WWOX: variants seen among roughly 807,000 people sequenced by gnomAD.
WWOX encodes the protein WW domain-containing oxidoreductase.
In WWOX, 69 loss-of-function variants were observed where a neutral mutation model predicts 46.2. The observed-to-expected ratio is 1.49, with a 90% CI of 1.23 to 1.82. The LOEUF is 1.82. WWOX is among the 40% of genes most tolerant of loss of function. The pLI is 0.00. For synonymous variants in WWOX, 359 were observed against 202.6 expected (o/e 1.77, Z -6.56); for missense variants, 919 against 542.6 (o/e 1.69, Z -6.89).
intron 8 of WWOX, among the ~76,000 whole-genome samples, chr16:78,756,167 A>T (rs1323783295): frequency 6.6e-6 from 1 of 152,174 alleles, no homozygotes; most frequent in African/African-American, 2.4e-5. Flanking sequence ...AATTTCTAGT[A>T]TGTACTGCCT....
chr16:78,858,146 G>A (rs566394799), intron 8 of WWOX, among the ~76,000 whole-genome samples: 1 of 145,806 alleles, frequency 6.9e-6, no homozygotes, highest in East Asian at 2.0e-4. Flanking sequence ...TTGTGTGTTT[G>A]TGTGTGTGTG....
intron 8 of WWOX, among the ~76,000 whole-genome samples, chr16:79,126,741 C>T (rs1446421416): frequency 2.6e-5 from 4 of 152,136 alleles, no homozygotes; most frequent in Admixed American, 2.0e-4. Flanking sequence ...GTGGTGGACC[C>T]TGAAGGTTAG....
At chr16:78,933,277 A>G (rs898943396) in intron 8 of WWOX, among the ~76,000 whole-genome samples, 1 of 152,208 alleles carries the variant, frequency 6.6e-6, no homozygotes, top group African/African-American at 2.4e-5. Flanking sequence ...AGTGTCTACT[A>G]AAAATACAAA....
chr16:78,611,260 T>G lies in WWOX; in HGVS notation c.1056+178508T>G, dbSNP rs899016398. On this transcript the variant is annotated intron_variant, in intron 8 of 8. Coordinates refer to ENST00000566780, the MANE Select transcript of WWOX (RefSeq NM_016373.4). ...TGGTGAAAGACATCTCCTTCTCATATGTTTAGGCAAGCGTTGATGACATCA... is the reference window on the plus strand; with the variant it reads ...TGGTGAAAGACATCTCCTTCTCATAGGTTTAGGCAAGCGTTGATGACATCA... Among the ~76,000 whole-genome samples, 6 of 152,324 alleles carry G rather than the reference T, an allele frequency of 3.9e-5. No homozygotes were observed. The East Asian group carries it at 1.2e-3, about 29-fold the overall frequency.
intron 6 of WWOX, among the ~76,000 whole-genome samples, chr16:78,405,973 C>T (rs2082521306): frequency 6.6e-6 from 1 of 152,074 alleles, no homozygotes; most frequent in Non-Finnish European, 1.5e-5. Context: ...CTCTTATGCA[C>T]ATATCATGCA....
At chr16:78,618,749 A>G (rs929937384) in intron 8 of WWOX, among the ~76,000 whole-genome samples, 1 of 151,888 alleles carries the variant, frequency 6.6e-6, no homozygotes, top group East Asian at 2.0e-4. Context: ...AGAATTCCCC[A>G]CTGTCTTCCC....
At chr16:78,738,138 T>C (rs2049132808) in intron 8 of WWOX, among the ~76,000 whole-genome samples, 1 of 152,116 alleles carries the variant, frequency 6.6e-6, no homozygotes, top group African/African-American at 2.4e-5. Context: ...TTAGGTAAAG[T>C]GACATTTTTT....
chr16:78,879,936 TG>T (rs2044309668), intron 8 of WWOX, among the ~76,000 whole-genome samples: 1 of 152,120 alleles, frequency 6.6e-6, no homozygotes, highest in Non-Finnish European at 1.5e-5. Context: ...CTAGGGTCTC[TG>T]GTATTATCCT....
chr16:78,467,457 A>T (rs1228607307), intron 8 of WWOX, among the ~76,000 whole-genome samples: 1 of 152,228 alleles, frequency 6.6e-6, no homozygotes, highest in Admixed American at 6.5e-5. Context: ...TAAAGACTGT[A>T]GACTAAGGCA....
intron 6 of WWOX, among the ~76,000 whole-genome samples, chr16:78,390,791 A>C (rs1001006145): frequency 2.0e-5 from 3 of 152,188 alleles, no homozygotes; most frequent in Admixed American, 2.0e-4. Flanking sequence ...CTTGTGTGTA[A>C]AACATAATGA....
At chr16:78,568,732 C>T (rs2044640073) in intron 8 of WWOX, among the ~76,000 whole-genome samples, 1 of 152,124 alleles carries the variant, frequency 6.6e-6, no homozygotes. Context: ...GCCTCGGCCT[C>T]CCAAAGTGCT....
intron 8 of WWOX, among the ~76,000 whole-genome samples, chr16:78,732,910 G>T (rs1215648971): frequency 6.6e-6 from 1 of 152,190 alleles, no homozygotes. Flanking sequence ...TTTCGCAAGA[G>T]TAAAGAAGTG....
rs896460887 is a variant in WWOX, at chr16:78,556,647, G to A, written c.1056+123895G>A. 7.2e-5 allele frequency among the ~76,000 whole-genome samples: 11 copies of A among 152,170 alleles called. No individual in the cohort carries two copies. In the South Asian group the frequency reaches 1.7e-3, roughly 23 times the overall value. ...AGGACAGAGTTCAACCAAACGTACC[G>A]GTGTGTGATTTTGCACAACACTGCT... is the stretch of plus-strand genomic sequence containing the variant. On this transcript the variant is annotated intron_variant, in intron 8 of 8. Coordinates refer to ENST00000566780, the MANE Select transcript of WWOX (RefSeq NM_016373.4).
chr16:78,720,213 A>G (rs555451725), intron 8 of WWOX, among the ~76,000 whole-genome samples: 13 of 152,282 alleles, frequency 8.5e-5, no homozygotes, highest in Admixed American at 7.2e-4. Context: ...AGTAAGACTT[A>G]AGGCCCACTG....
intron 8 of WWOX, among the ~76,000 whole-genome samples, chr16:79,072,967 G>A (rs1452795601): frequency 6.6e-6 from 1 of 151,752 alleles, no homozygotes; most frequent in Non-Finnish European, 1.5e-5. Flanking sequence ...ATTGACAAAC[G>A]TCATCACTGT....
intron 5 of WWOX, among the ~76,000 whole-genome samples, chr16:78,273,417 G>T (rs573591725): frequency 3.9e-5 from 6 of 152,276 alleles, no homozygotes; most frequent in African/African-American, 1.4e-4. Context: ...GTGCGAGCCT[G>T]ACCTCCACGG....
intron 8 of WWOX, among the ~76,000 whole-genome samples, chr16:78,678,257 T>C (rs2047649985): frequency 6.6e-6 from 1 of 152,136 alleles, no homozygotes; most frequent in African/African-American, 2.4e-5. Context: ...ACACCTGTAA[T>C]CCTGGCTACT....
chr16:78,805,131 A>T (rs965039316), intron 8 of WWOX, among the ~76,000 whole-genome samples: 1 of 144,932 alleles, frequency 6.9e-6, no homozygotes, highest in African/African-American at 2.6e-5. Flanking sequence ...ATCAAAATTT[A>T]AGGACTAGAT....
rs564421672 is a variant in WWOX, at chr16:79,071,739, A to C, written c.1057-139869A>C. The stretch of plus-strand genomic sequence containing the variant: ...TTTAAGTTGGTCCCTTGATTGCTTC[A>C]AGTAATTGATCTGTTGGCCTAAAAA... On this transcript the variant is annotated intron_variant, in intron 8 of 8. Coordinates refer to ENST00000566780, the MANE Select transcript of WWOX (RefSeq NM_016373.4). 2.6e-5 allele frequency among the ~76,000 whole-genome samples: 4 copies of C among 152,168 alleles called. No individual in the cohort carries two copies. In the South Asian group the frequency reaches 8.3e-4, roughly 32 times the overall value.
Sources: allele counts gnomAD v4.1 joint callset (sites outside exome capture counted in the v4.1 genomes callset), GRCh38; gene constraint gnomAD v4.1.1; transcripts MANE v1.5; gene names NCBI Gene and HGNC (gene_info 2026-07-23, HGNC 2026-07-21).